PCNT: variants seen among roughly 807,000 people sequenced by gnomAD.
PCNT encodes the protein pericentrin, also known as kendrin.
Under a neutral mutation model 380.4 loss-of-function variants are expected in PCNT, and 319 were observed. The observed-to-expected ratio is 0.84, with a 90% CI of 0.77 to 0.92. The LOEUF (loss-of-function observed/expected upper bound fraction) is 0.92, where lower values mean the gene tolerates loss of function less well. Ranked by LOEUF, PCNT falls within the 40% of genes least tolerant of loss-of-function variation. The probability of loss-of-function intolerance (pLI) is 0.00; values close to 1 mark genes in which losing one functional copy is unlikely to be tolerated. For missense variants in PCNT, 4,400 were observed against 4,255.3 expected (o/e 1.03, Z -0.95); for synonymous variants, 1,845 against 1,735.2 (o/e 1.06, Z -1.57).
intron 38 of PCNT, among the ~76,000 whole-genome samples, chr21:46,435,414 C>T (rs535201259): frequency 1.5e-4 from 23 of 151,190 alleles, no homozygotes; most frequent in Admixed American, 2.6e-4. Flanking sequence ...TTAGTAGAGA[C>T]GGGGTTTCCT....
intron 46 of PCNT, 62 bp from the exon 47 acceptor site, chr21:46,445,222 C>G: frequency 8.6e-7 from 1 of 1,169,086 alleles, no homozygotes; most frequent in Non-Finnish European, 1.3e-6. Flanking sequence ...TTGTGGAATT[C>G]TTTTCAAAAA....
chr21:46,442,589 C>T lies in PCNT; in HGVS notation c.9700+16C>T. 6.8e-7 allele frequency: 1 copy of T among 1,478,124 alleles called. No individual in the cohort carries two copies. The allele number at this position is 1,478,124 out of a possible 1,614,324, so 91.6% of individuals were successfully genotyped here. A position where few individuals can be genotyped will look rare whatever the true frequency, so the allele number is the denominator to read the frequency against. On this transcript the variant is annotated intron_variant, in intron 44 of 46. Transcript: ENST00000359568. ...CCTCGCCCAGGTGGGACTCCAGCTG[C>T]TGTTGACCGCTGGACTCACAAACCT...
intron 2 of PCNT, among the ~76,000 whole-genome samples, chr21:46,333,972 C>A (rs1048751365): frequency 3.9e-5 from 6 of 151,970 alleles, no homozygotes; most frequent in Non-Finnish European, 8.8e-5. Flanking sequence ...TTTGGGAGGC[C>A]AAGGCGGGCG....
Position 46,416,260 on chromosome 21 carries a change from C to A in PCNT, c.6342C>A (p.Ser2114=), listed in dbSNP as rs761778263. ...TGGAGAGCAGCTGGAGTGATGATTC[C>A]TGTGACGGAGAAGAGCCTGACATAT... The part of the protein sequence containing the change: ...HLLESSWSDD[S]CDGEEPDISP... Residue 2114 remains serine, a synonymous_variant, in exon 30 of 47, where the codon TCC becomes TCA. Coordinates refer to ENST00000359568, the MANE Select transcript of PCNT (RefSeq NM_006031.6). 1.2e-5 allele frequency: 19 copies of A among 1,614,068 alleles called. No homozygotes were observed. In the African/African-American group the frequency reaches 2.3e-4, roughly 19 times the overall value.
chr21:46,362,099 C>G (rs1240047911), intron 13 of PCNT, among the ~76,000 whole-genome samples: 2 of 152,174 alleles, frequency 1.3e-5, no homozygotes, highest in Non-Finnish European at 2.9e-5. Context: ...ACTGCATGCT[C>G]CCCTGCGTCT....
At chr21:46,422,641 T>G (rs1395286238) in intron 32 of PCNT, among the ~76,000 whole-genome samples, 1 of 152,226 alleles carries the variant, frequency 6.6e-6, no homozygotes, top group Non-Finnish European at 1.5e-5. Context: ...TGACAAAAAC[T>G]TGGCTAAACA....
chr21:46,426,083 T>TGAGACAGAG, intron 33 of PCNT, 112 bp downstream of exon 33: 2 of 1,076,842 alleles, frequency 1.9e-6, no homozygotes, highest in Non-Finnish European at 2.5e-6. Flanking sequence ...TTTTTTTTTT[T>TGAGACAGAG]TTTTTTTTTT....
At chr21:46,370,692 G>GC (rs2085091026) in intron 15 of PCNT, among the ~76,000 whole-genome samples, 1 of 152,140 alleles carries the variant, frequency 6.6e-6, no homozygotes, top group Non-Finnish European at 1.5e-5. Flanking sequence ...GATCTCTTGA[G>GC]CTCAGGAGTT....
rs533687088 is a variant in PCNT, at chr21:46,382,510, G to A, written c.3312+670G>A. On this transcript the variant is annotated intron_variant, in intron 16 of 46. Transcript: ENST00000359568. Reference sequence around the variant, plus strand: ...GCGCATTCACGGTGTTGTGCATTCAGTGGCAGAAGCTCATTCACAGTGTTG... The same window carrying A: ...GCGCATTCACGGTGTTGTGCATTCAATGGCAGAAGCTCATTCACAGTGTTG... 2.1e-5 allele frequency among the ~76,000 whole-genome samples: 3 copies of A among 144,926 alleles called. 1 individual carries two copies. Among genetic ancestry groups the A allele is most frequent in the African/African-American group, 7.6e-5 (3 of 39,572 alleles).
intron 7 of PCNT, 70 bp from the exon 8 acceptor site, chr21:46,349,612 TTA>T: frequency 6.6e-7 from 1 of 1,512,224 alleles, no homozygotes. Context: ...GGGTGCACCA[TTA>T]TTGTCACTGA....
At chr21:46,373,182 G>A (rs2085210522) in intron 15 of PCNT, among the ~76,000 whole-genome samples, 1 of 151,512 alleles carries the variant, frequency 6.6e-6, no homozygotes. Flanking sequence ...CACCATGCCT[G>A]GCTAATTTAT....
intron 40 of PCNT, among the ~76,000 whole-genome samples, chr21:46,437,543 T>A (rs545927642): frequency 3.3e-5 from 5 of 152,216 alleles, no homozygotes; most frequent in Non-Finnish European, 7.3e-5. Flanking sequence ...CGGCCTTTGC[T>A]AGAAACAAAA....
chr21:46,432,314 T>C (rs1038082519), intron 38 of PCNT, 99 bp downstream of exon 38: 1 of 1,129,120 alleles, frequency 8.9e-7, no homozygotes, highest in Non-Finnish European at 1.3e-6. Flanking sequence ...TGTCTGGCCC[T>C]CTGACCTGGT....
At chr21:46,428,706 CT>C in intron 35 of PCNT, 116 bp downstream of exon 35, 1 of 921,632 alleles carries the variant, frequency 1.1e-6, no homozygotes, top group South Asian at 1.4e-5. Context: ...AGTCAAGCCC[CT>C]GAGTGTTGCC....
intron 17 of PCNT, among the ~76,000 whole-genome samples, chr21:46,387,332 G>C (rs2085872819): frequency 6.6e-6 from 1 of 152,192 alleles, no homozygotes; most frequent in South Asian, 2.1e-4. Context: ...GCTTGGTGCT[G>C]ACTCTCTCCA....
intron 42 of PCNT, 143 bp from the exon 43 acceptor site, chr21:46,440,712 T>C: frequency 1.8e-6 from 1 of 559,106 alleles, no homozygotes. Context: ...CCACAGATAC[T>C]GTTGGAAGGC....
Position 46,416,752 on chromosome 21 carries a change from T to C in PCNT, c.6834T>C (p.Cys2278=). 8.1e-6 allele frequency: 13 copies of C among 1,601,482 alleles called. No individual in the cohort carries two copies. The highest frequency in any genetic ancestry group is 1.1e-5 in the Non-Finnish European group (13 of 1,174,242). The change falls in exon 30 of 47, where the codon TGT becomes TGC. Residue 2278 remains cysteine, a synonymous_variant. Coordinates refer to ENST00000359568, the MANE Select transcript of PCNT (RefSeq NM_006031.6). Reference sequence around the variant, plus strand: ...AGACCCAGGGGCCGGGGCTGCTTTGTTCCCCAGGCGTGTCTGCAGCAGCGC... The same window carrying C: ...AGACCCAGGGGCCGGGGCTGCTTTGCTCCCCAGGCGTGTCTGCAGCAGCGC... The part of the protein sequence containing the change: ...LPQTQGPGLL[C]SPGVSAAALA...
rs771285670 is a variant in PCNT at position 46,366,919 on chromosome 21, T to C, written c.2945T>C (p.Ile982Thr). The change falls in exon 15 of 47, where the codon ATC becomes ACC. Residue 982 changes from isoleucine to threonine, a missense_variant. Transcript: ENST00000359568. ...TGTTACCTCTCTGAATTTCAGACCA[T>C]CCGTGAGGAGCACAGGCAGGCCCTA... is the stretch of plus-strand genomic sequence containing the variant. The part of the protein sequence containing the change: ...ESCYLSEFQT[I>T]REEHRQALEL... 8.7e-6 allele frequency: 14 copies of C among 1,614,066 alleles called. No individual in the cohort carries two copies. Among genetic ancestry groups the C allele is most frequent in the Non-Finnish European group, 1.2e-5 (14 of 1,180,018 alleles).
chr21:46,335,010 AATCTGCCTCCCTTGTG>A (rs1221509753), intron 3 of PCNT, among the ~76,000 whole-genome samples: 1 of 152,204 alleles, frequency 6.6e-6, no homozygotes, highest in Non-Finnish European at 1.5e-5. Context: ...CCTGAGCTCA[AATCTGCCTCCCTTGTG>A]ATCTTCCTTT....
Sources: allele counts gnomAD v4.1 joint callset (sites outside exome capture counted in the v4.1 genomes callset), GRCh38; gene constraint gnomAD v4.1.1; transcripts MANE v1.5; gene names NCBI Gene and HGNC (gene_info 2026-07-23, HGNC 2026-07-21).